SESTD1: variants seen among roughly 807,000 people sequenced by gnomAD.
The protein encoded by SESTD1 is SEC14 and spectrin domain containing 1, also known as SEC14 domain and spectrin repeat-containing protein 1.
A neutral mutation model predicts 101.7 loss-of-function variants in SESTD1; 43 were observed. The observed-to-expected ratio is 0.42, with a 90% CI of 0.33 to 0.55. SESTD1 has a LOEUF of 0.55. Among genes scored for constraint, SESTD1 ranks in the 20% least tolerant of loss-of-function variants. The probability of loss-of-function intolerance (pLI) is 0.07; values close to 1 mark genes in which losing one functional copy is unlikely to be tolerated. For synonymous variants in SESTD1, 283 were observed against 286.8 expected (o/e 0.99, Z 0.13); for missense variants, 647 against 815.1 (o/e 0.79, Z 2.51).
intron 10 of SESTD1, chr2:179,131,937 A>G (rs544563196): frequency 2.6e-5 from 4 of 156,308 alleles, no homozygotes; most frequent in African/African-American, 9.6e-5. Context: ...TAATTGTACT[A>G]TATACTCCCA....
intron 4 of SESTD1, chr2:179,174,376 G>C: frequency 2.3e-6 from 1 of 442,102 alleles, no homozygotes; most frequent in Non-Finnish European, 4.6e-6. Flanking sequence ...AATCGCAAGA[G>C]GGGATTAAAT....
chr2:179,236,391 C>T (rs1383741386), intron 1 of SESTD1, among the ~76,000 whole-genome samples: 1 of 148,708 alleles, frequency 6.7e-6, no homozygotes, highest in Non-Finnish European at 1.5e-5. Context: ...TAGCTACTTG[C>T]GAGGCTGAGG....
chr2:179,225,380 T>G (rs191252238), intron 1 of SESTD1, among the ~76,000 whole-genome samples: 1 of 152,004 alleles, frequency 6.6e-6, no homozygotes, highest in Admixed American at 6.5e-5. Context: ...ATATAAATAA[T>G]AAAAGTCTTT....
At chr2:179,222,272 T>C (rs1018522470) in intron 1 of SESTD1, among the ~76,000 whole-genome samples, 2 of 152,220 alleles carry the variant, frequency 1.3e-5, no homozygotes, top group Non-Finnish European at 2.9e-5. Flanking sequence ...AGGGTGTGAC[T>C]CCCGGCCAGC....
At chr2:179,195,185 C>T (rs2046371357) in intron 1 of SESTD1, among the ~76,000 whole-genome samples, 1 of 152,238 alleles carries the variant, frequency 6.6e-6, no homozygotes, top group South Asian at 2.1e-4. Flanking sequence ...ATCTCATCGT[C>T]AATCCCCATG....
intron 2 of SESTD1, among the ~76,000 whole-genome samples, chr2:179,185,572 ATATAC>A (rs1230768032): frequency 1.5e-5 from 2 of 132,368 alleles, no homozygotes; most frequent in Non-Finnish European, 3.0e-5. Context: ...TATGTATATA[ATATAC>A]TATATTATAT....
At chr2:179,125,056 T>C (rs539537007) in intron 10 of SESTD1, among the ~76,000 whole-genome samples, 10 of 152,244 alleles carry the variant, frequency 6.6e-5, no homozygotes, top group African/African-American at 2.2e-4. Context: ...TTCCACTACA[T>C]AGGCACCCAC....
At chr2:179,173,772 T>C (rs1174515442) in intron 4 of SESTD1, among the ~76,000 whole-genome samples, 1 of 152,068 alleles carries the variant, frequency 6.6e-6, no homozygotes, top group Non-Finnish European at 1.5e-5. Context: ...ACCACTCGGT[T>C]CTGTCAGGAT....
rs934623889 is a variant in SESTD1, at chr2:179,210,756, C to A, written c.-25-18890G>T. On this transcript the variant is annotated intron_variant, in intron 1 of 17. Transcript: ENST00000428443. ...TGAACAGGGAAAACTTGAAAGCATT[C>A]CCCCTGAGAATTGGAACAAGATGTG... 4.5e-5 allele frequency among the ~76,000 whole-genome samples: 6 copies of A among 134,192 alleles called. 1 individual carries two copies. The highest frequency in any genetic ancestry group is 1.8e-4 in the African/African-American group (6 of 33,914). The allele number at this position is 134,192 out of a possible 152,430, so 88.0% of individuals were successfully genotyped here.
Position 179,199,391 on chromosome 2 carries a change from G to A in SESTD1, c.-25-7525C>T, listed in dbSNP as rs576614212. On this transcript the variant is annotated intron_variant, in intron 1 of 17. Transcript: ENST00000428443. ...TACCAGAGGTACAAGGAGGAACTGGGACCATTCCTTCTGAAACTATTCCAA... is the reference window on the plus strand; with the variant it reads ...TACCAGAGGTACAAGGAGGAACTGGAACCATTCCTTCTGAAACTATTCCAA... 8.4e-3 allele frequency among the ~76,000 whole-genome samples: 1,284 copies of A among 152,182 alleles called. 9 individuals are homozygous for A. The highest frequency in any genetic ancestry group is 0.029 in the African/African-American group (1,198 of 41,506).
intron 14 of SESTD1, 140 bp downstream of exon 14, chr2:179,117,392 T>G (rs908098975): frequency 1.9e-5 from 12 of 632,626 alleles, no homozygotes; most frequent in African/African-American, 7.1e-5. Context: ...AAGTGTATTC[T>G]TCAACAAGAT....
chr2:179,252,428 T>C (rs2047331779), intron 1 of SESTD1, among the ~76,000 whole-genome samples: 1 of 152,198 alleles, frequency 6.6e-6, no homozygotes. Flanking sequence ...CAAGATCTAG[T>C]AAAAACTATA....
intron 5 of SESTD1, among the ~76,000 whole-genome samples, chr2:179,159,577 A>G (rs2045695099): frequency 6.6e-6 from 1 of 152,206 alleles, no homozygotes; most frequent in South Asian, 2.1e-4. Context: ...AACAGAGAAA[A>G]CTGACACATT....
At chr2:179,113,985 C>T (rs1474171234) in intron 16 of SESTD1, among the ~76,000 whole-genome samples, 2 of 151,910 alleles carry the variant, frequency 1.3e-5, no homozygotes, top group Non-Finnish European at 2.9e-5. Context: ...CTTCTGGGTG[C>T]TGGTAATGTT....
At chr2:179,208,126 C>T (rs2105514961) in intron 1 of SESTD1, among the ~76,000 whole-genome samples, 1 of 134,514 alleles carries the variant, frequency 7.4e-6, no homozygotes, top group Middle Eastern at 4.3e-3. Context: ...GAAGAAAGGA[C>T]TTCAGAGCTC....
chr2:179,219,165 T>C (rs1236047365), intron 1 of SESTD1, among the ~76,000 whole-genome samples: 2 of 152,078 alleles, frequency 1.3e-5, no homozygotes, highest in Non-Finnish European at 2.9e-5. Context: ...GTGGGTGCCA[T>C]CAATGAGCTG....
intron 9 of SESTD1, among the ~76,000 whole-genome samples, chr2:179,140,494 A>C (rs137936697): frequency 1.1e-4 from 16 of 152,302 alleles, no homozygotes; most frequent in South Asian, 2.1e-4. Context: ...CGGCCCTCAA[A>C]GGAACCAATC....
At chr2:179,241,482 A>G (rs1398072169) in intron 1 of SESTD1, among the ~76,000 whole-genome samples, 3 of 152,182 alleles carry the variant, frequency 2.0e-5, no homozygotes, top group Non-Finnish European at 4.4e-5. Flanking sequence ...CTTATCTACA[A>G]GAGAAAACAA....
chr2:179,203,884 T>A (rs1318294792), intron 1 of SESTD1, among the ~76,000 whole-genome samples: 1 of 133,830 alleles, frequency 7.5e-6, no homozygotes, highest in Admixed American at 7.3e-5. Context: ...CTGGGCAACA[T>A]AGCAAGATCC....
Sources: allele counts gnomAD v4.1 joint callset (sites outside exome capture counted in the v4.1 genomes callset), GRCh38; gene constraint gnomAD v4.1.1; transcripts MANE v1.5; gene names NCBI Gene and HGNC (gene_info 2026-07-23, HGNC 2026-07-21).